FAM149A: variants seen among roughly 807,000 people sequenced by gnomAD.
FAM149A encodes the protein protein FAM149A.
FAM149A carries 71 observed loss-of-function variants against 78.2 expected under a neutral mutation model. That is an observed-to-expected ratio of 0.91 (90% CI 0.75 to 1.11). The LOEUF is 1.11. Among genes scored for constraint, FAM149A ranks in the 50% least tolerant of loss-of-function variants. The pLI is 0.00. For missense variants in FAM149A, 1,036 were observed against 971.0 expected, an observed-to-expected ratio of 1.07 and a Z score of -0.89; for synonymous variants, 446 against 410.5, an observed-to-expected ratio of 1.09 and a Z score of -1.04.
In FAM149A at chr4:186,105,367, G is replaced by T; in HGVS notation, c.291G>T (p.Trp97Cys). 8.4e-7 allele frequency: 1 copy of T among 1,187,940 alleles called. No individual in the cohort carries two copies. Among genetic ancestry groups the T allele is most frequent in the Non-Finnish European group, 1.1e-6 (1 of 947,490 alleles). The allele number at this position is 1,187,940 out of a possible 1,614,324, so 73.6% of individuals were successfully genotyped here. A position where few individuals can be genotyped will look rare whatever the true frequency, so the allele number is the denominator to read the frequency against. ...GAGCAGTGGGGACCCTGCTCTCTTG[G>T]CCCAGTAGCCCTAGAGCGGGTAAAG... Residue 97 changes from tryptophan (W) to cysteine (C), a missense_variant, in exon 1 of 14, where the codon TGG becomes TGT. Physicochemically the swap from Trp to Cys is radical, Grantham distance 215. Around this residue, in one of 3 missense-constraint regions of FAM149A, gnomAD observed 316 missense variants for 241.9 expected, o/e 1.31. Coordinates refer to ENST00000389354, the MANE Select transcript of FAM149A (RefSeq NM_001367768.3).
At chr4:186,169,803 G>C in intron 13 of FAM149A, 1 of 985,376 alleles carries the variant, frequency 1.0e-6, no homozygotes, top group Non-Finnish European at 1.2e-6. Flanking sequence ...ACTCATGTAG[G>C]ACCCAGGGAA....
intron 8 of FAM149A, among the ~76,000 whole-genome samples, chr4:186,160,009 ACACCCC>A (rs1734410732): frequency 1.1e-5 from 1 of 92,874 alleles, no homozygotes; most frequent in Non-Finnish European, 2.3e-5. Flanking sequence ...ATCCCCCCAC[ACACCCC>A]CCACACAAAC....
At chr4:186,110,104 C>T (rs548873283) in intron 1 of FAM149A, 145 of 985,284 alleles carry the variant, frequency 1.5e-4, no homozygotes, top group Non-Finnish European at 1.7e-4. Context: ...AACTCTTTGT[C>T]CTGTGACACT....
At chr4:186,146,659 C>A (rs1733060086) in intron 1 of FAM149A, 2 of 704,346 alleles carry the variant, frequency 2.8e-6, no homozygotes, top group Non-Finnish European at 1.7e-6. Context: ...GCAGGATAGA[C>A]CGTCTTGAGC....
chr4:186,160,388 T>TCA (rs1437242956), intron 8 of FAM149A, among the ~76,000 whole-genome samples: 48 of 80,730 alleles, frequency 5.9e-4, no homozygotes, highest in South Asian at 4.3e-3. Context: ...CACACACCAC[T>TCA]CACACACACA....
intron 1 of FAM149A, chr4:186,146,665 T>G: frequency 1.4e-6 from 1 of 713,894 alleles, no homozygotes; most frequent in Non-Finnish European, 1.7e-6. Context: ...TAGACCGTCT[T>G]GAGCAGAGCA....
chr4:186,133,609 T>C (rs1329004706), intron 1 of FAM149A, among the ~76,000 whole-genome samples: 1 of 152,210 alleles, frequency 6.6e-6, no homozygotes, highest in East Asian at 1.9e-4. Context: ...CATTCTTCTG[T>C]TGATGGACAT....
intron 3 of FAM149A, among the ~76,000 whole-genome samples, chr4:186,150,486 C>A (rs1733434530): frequency 8.5e-6 from 1 of 117,348 alleles, no homozygotes; most frequent in Non-Finnish European, 1.7e-5. Context: ...GGGGCGCGAT[C>A]TCGGCTCACT....
intron 8 of FAM149A, among the ~76,000 whole-genome samples, chr4:186,161,408 G>T (rs1734597509): frequency 6.6e-6 from 1 of 152,166 alleles, no homozygotes; most frequent in South Asian, 2.1e-4. Context: ...GCGTCTCAGA[G>T]GCTTGTTTCA....
At chr4:186,117,933 C>T (rs1054966105) in intron 1 of FAM149A, 2 of 985,240 alleles carry the variant, frequency 2.0e-6, no homozygotes, top group Non-Finnish European at 2.4e-6. Context: ...AAGATGATGT[C>T]AGGTGGCTGG....
intron 8 of FAM149A, among the ~76,000 whole-genome samples, chr4:186,161,394 C>T (rs185508117): frequency 4.5e-4 from 69 of 152,288 alleles, no homozygotes; most frequent in African/African-American, 1.7e-3. Context: ...GTGGGGAGAA[C>T]AGAGCGTCTC....
intron 1 of FAM149A, chr4:186,145,213 C>T: frequency 1.1e-6 from 1 of 916,948 alleles, no homozygotes; most frequent in Non-Finnish European, 1.3e-6. Context: ...CCCGGGCTTC[C>T]CTGCAGGCAC....
intron 8 of FAM149A, among the ~76,000 whole-genome samples, chr4:186,162,197 A>C (rs1734659901): frequency 6.6e-6 from 1 of 152,226 alleles, no homozygotes; most frequent in Non-Finnish European, 1.5e-5. Flanking sequence ...GAACAAAGTA[A>C]GCTTTCCAGA....
chr4:186,159,774 G>A (rs370097818), intron 8 of FAM149A, among the ~76,000 whole-genome samples: 29 of 152,114 alleles, frequency 1.9e-4, no homozygotes, highest in East Asian at 1.7e-3. Flanking sequence ...TTGTTCACGC[G>A]AGGCCTGTAG....
At chr4:186,156,846 A>G (rs9998649) in intron 7 of FAM149A, among the ~76,000 whole-genome samples, 86,956 of 151,444 alleles carry the variant, frequency 0.57, 26,852 homozygotes, top group Non-Finnish European at 0.71. Context: ...ATGGTGGCAC[A>G]TGCCTGTAGG....
At chr4:186,118,502 T>G (rs963649010) in intron 1 of FAM149A, among the ~76,000 whole-genome samples, 2 of 152,236 alleles carry the variant, frequency 1.3e-5, no homozygotes, top group African/African-American at 4.8e-5. Context: ...TGATTTTTAT[T>G]ATGTTTTAAA....
intron 1 of FAM149A, chr4:186,125,610 G>T: frequency 1.4e-6 from 1 of 727,346 alleles, no homozygotes. Context: ...AGAGTCAACA[G>T]CACAGGCTTG....
chr4:186,144,878 G>C lies in FAM149A; in HGVS notation c.567-4295G>C. On this transcript the variant is annotated intron_variant, in intron 1 of 13. Coordinates refer to ENST00000389354, the MANE Select transcript of FAM149A (RefSeq NM_001367768.3). This position sits in a 1 kb window ranked among gnomAD's most constrained non-coding sequence, Gnocchi z 4.2. ...GAGAGGGAAGGGGCGTGCGAGCCCCGCGGACCCCGGGCGCGCCCGGGCCGC... is the reference window on the plus strand; with the variant it reads ...GAGAGGGAAGGGGCGTGCGAGCCCCCCGGACCCCGGGCGCGCCCGGGCCGC... The C allele has an allele frequency of 1.0e-6, 1 of 973,734 alleles. No homozygotes were observed. The highest frequency in any genetic ancestry group is 1.9e-5 in the African/African-American group (1 of 53,580). 60.3% of individuals were successfully genotyped at this position (973,734 alleles called of 1,614,324 possible).
Position 186,144,733 on chromosome 4 carries a change from G to A in FAM149A, c.567-4440G>A. ...TCCCGGAGGTCGGCGCGGGGCCGGGGCCGGGGCCGGGGCCCGGAGCGGGGA... is the reference window on the plus strand; with the variant it reads ...TCCCGGAGGTCGGCGCGGGGCCGGGACCGGGGCCGGGGCCCGGAGCGGGGA... On this transcript the variant is annotated intron_variant, in intron 1 of 13. Transcript: ENST00000389354. The surrounding 1 kb of genome is among the most constrained non-coding windows in gnomAD (Gnocchi z 4.2). 1.2e-6 allele frequency: 1 copy of A among 851,630 alleles called. No homozygotes were observed. Among genetic ancestry groups the A allele is most frequent in the African/African-American group, 1.8e-5 (1 of 54,522 alleles). The allele number at this position is 851,630 out of a possible 1,614,324, so 52.8% of individuals were successfully genotyped here. A position where few individuals can be genotyped will look rare whatever the true frequency, so the allele number is the denominator to read the frequency against.
Sources: allele counts gnomAD v4.1 joint callset (sites outside exome capture counted in the v4.1 genomes callset), GRCh38; gene constraint gnomAD v4.1.1; regional missense constraint gnomAD v4.1.1; non-coding constraint Gnocchi (gnomAD v3.1); transcripts MANE v1.5; gene names NCBI Gene and HGNC (gene_info 2026-07-23, HGNC 2026-07-21).